The following ARHGAP26 variants were observed in gnomAD, a reference collection of about 807,000 sequenced individuals.
ARHGAP26 encodes the protein rho GTPase-activating protein 26.
In ARHGAP26, 38 loss-of-function variants were observed where a neutral mutation model predicts 104.8. The ratio of observed to expected loss-of-function variants is 0.36; its 90% CI spans 0.28 to 0.48. The LOEUF is 0.48. ARHGAP26 is among the 20% of genes least tolerant of loss of function. ARHGAP26 has a pLI of 0.99. For missense variants in ARHGAP26, 704 were observed against 947.9 expected, an observed-to-expected ratio of 0.74 and a Z score of 3.38; for synonymous variants, 341 against 340.0, an observed-to-expected ratio of 1.00 and a Z score of -0.03.
At chr5:142,832,479 T>C (rs534818522) in intron 1 of ARHGAP26, among the ~76,000 whole-genome samples, 1 of 152,376 alleles carries the variant, frequency 6.6e-6, no homozygotes, top group Admixed American at 6.5e-5. Context: ...CTGACCTTGC[T>C]GGCACCCTCA....
chr5:143,031,572 C>CTT (rs753414022), intron 12 of ARHGAP26, among the ~76,000 whole-genome samples: 3,784 of 135,346 alleles, frequency 0.028, 202 homozygotes, highest in African/African-American at 0.097. Flanking sequence ...CTACACACCT[C>CTT]TTTTTTTTTT....
chr5:143,128,495 C>T (rs569644026), intron 18 of ARHGAP26, among the ~76,000 whole-genome samples: 1 of 152,308 alleles, frequency 6.6e-6, no homozygotes, highest in Admixed American at 6.5e-5. Context: ...CTGATATCAA[C>T]AGGACATAGG....
At chr5:143,088,953 G>T (rs573242449) in intron 17 of ARHGAP26, among the ~76,000 whole-genome samples, 14 of 152,134 alleles carry the variant, frequency 9.2e-5, no homozygotes, top group Non-Finnish European at 1.3e-4. Context: ...GGTGGAGCAG[G>T]TAATTGGAAT....
In ARHGAP26 at chr5:143,080,953, A is replaced by C. The variant is rs115573619; in HGVS notation, c.1538+23206A>C. Among the ~76,000 whole-genome samples, 210 of 152,198 alleles carry C rather than the reference A, an allele frequency of 1.4e-3. 1 individual carries two copies. In the Middle Eastern group the frequency reaches 0.031, roughly 22 times the overall value. ...ATGCTGAACAGTGGGCACATTTGGGATATATTTTTAAAGATAAGGCCAACA... is the reference window on the plus strand; with the variant it reads ...ATGCTGAACAGTGGGCACATTTGGGCTATATTTTTAAAGATAAGGCCAACA... On this transcript the variant is annotated intron_variant, in intron 17 of 22. Coordinates refer to ENST00000645722, the MANE Select transcript of ARHGAP26 (RefSeq NM_001135608.3).
intron 14 of ARHGAP26, among the ~76,000 whole-genome samples, chr5:143,050,319 G>A (rs937457122): frequency 6.6e-5 from 10 of 151,102 alleles, no homozygotes; most frequent in Non-Finnish European, 1.3e-4. Context: ...TGTTTTTCTC[G>A]TCCTGTAACC....
chr5:143,084,615 G>T (rs745999741), intron 17 of ARHGAP26, among the ~76,000 whole-genome samples: 1 of 152,194 alleles, frequency 6.6e-6, no homozygotes, highest in Non-Finnish European at 1.5e-5. Context: ...GACATCTTGT[G>T]ATCTGGACAC....
rs114328030 is a variant in ARHGAP26, at chr5:143,211,713, T to A, written c.2100-2284T>A. Among the ~76,000 whole-genome samples the A allele has an allele frequency of 5.1e-3, 774 of 151,940 alleles. 5 individuals are homozygous for A. The highest frequency in any genetic ancestry group is 0.018 in the African/African-American group (738 of 41,424). On this transcript the variant is annotated intron_variant, in intron 21 of 22. Coordinates refer to ENST00000645722, the MANE Select transcript of ARHGAP26 (RefSeq NM_001135608.3). ...TCCCAAGTAACCTGGACTCCACACGTGTCCCATCATGCCTGGCTAATTTTT... is the reference window on the plus strand; with the variant it reads ...TCCCAAGTAACCTGGACTCCACACGAGTCCCATCATGCCTGGCTAATTTTT...
intron 1 of ARHGAP26, among the ~76,000 whole-genome samples, chr5:142,778,970 T>G (rs1388333206): frequency 6.6e-6 from 1 of 151,532 alleles, no homozygotes; most frequent in East Asian, 1.9e-4. Flanking sequence ...AGTGTGTGTG[T>G]ATGTGTGCCA....
chr5:142,801,390 A>G lies in ARHGAP26; in HGVS notation c.154+30475A>G, dbSNP rs78197492. Among the ~76,000 whole-genome samples the G allele has an allele frequency of 5.5e-3, 840 of 152,258 alleles. 1 individual carries two copies. Among genetic ancestry groups the G allele is most frequent in the Middle Eastern group, 0.014 (4 of 294 alleles). ...TTGTATGTACTGTCATTCAGTCATCAGAACTTTATAATGTATAGTGTCACT... is the reference window on the plus strand; with the variant it reads ...TTGTATGTACTGTCATTCAGTCATCGGAACTTTATAATGTATAGTGTCACT... On this transcript the variant is annotated intron_variant, in intron 1 of 22. Transcript: ENST00000645722.
At chr5:142,906,513 A>G (rs1036455727) in intron 8 of ARHGAP26, among the ~76,000 whole-genome samples, 9 of 151,864 alleles carry the variant, frequency 5.9e-5, no homozygotes, top group African/African-American at 1.5e-4. Flanking sequence ...CTCCCTTCCT[A>G]CTGTCTATCC....
chr5:142,948,610 G>A (rs1206694326), intron 11 of ARHGAP26, among the ~76,000 whole-genome samples: 1 of 150,840 alleles, frequency 6.6e-6, no homozygotes, highest in Non-Finnish European at 1.5e-5. Flanking sequence ...ATTTTAGTCA[G>A]CCTTCCATTT....
rs115575466 is a variant in ARHGAP26, at chr5:142,790,381, G to A, written c.154+19466G>A. Among the ~76,000 whole-genome samples, 1,070 of 152,146 alleles carry A rather than the reference G, an allele frequency of 7.0e-3. 17 individuals carry two copies. Among genetic ancestry groups the A allele is most frequent in the African/African-American group, 0.024 (997 of 41,510 alleles). ...CTGCTGGATAGTATTTTTTCCCATCGTATTTCTCCTGTTTTTGTAGGCAGA... is the reference window on the plus strand; with the variant it reads ...CTGCTGGATAGTATTTTTTCCCATCATATTTCTCCTGTTTTTGTAGGCAGA... On this transcript the variant is annotated intron_variant, in intron 1 of 22. Coordinates refer to ENST00000645722, the MANE Select transcript of ARHGAP26 (RefSeq NM_001135608.3).
intron 20 of ARHGAP26, among the ~76,000 whole-genome samples, chr5:143,179,900 G>A (rs1230830305): frequency 6.6e-6 from 1 of 152,080 alleles, no homozygotes; most frequent in Non-Finnish European, 1.5e-5. Flanking sequence ...TGACCTCCCT[G>A]TCAAACCTCA....
At chr5:143,118,845 C>T (rs951348812) in intron 17 of ARHGAP26, among the ~76,000 whole-genome samples, 10 of 150,898 alleles carry the variant, frequency 6.6e-5, no homozygotes, top group South Asian at 2.1e-4. Flanking sequence ...TGCTAAATGA[C>T]GAGTTAATGG....
intron 1 of ARHGAP26, among the ~76,000 whole-genome samples, chr5:142,799,327 G>C (rs1176663454): frequency 6.6e-6 from 1 of 152,130 alleles, no homozygotes; most frequent in African/African-American, 2.4e-5. Context: ...AGAAGGATAG[G>C]GTTCATGGCT....
Position 143,042,001 on chromosome 5 carries a change from G to A in ARHGAP26, c.1285+111G>A, listed in dbSNP as rs375293466. 1.3e-3 allele frequency: 1,124 copies of A among 877,112 alleles called. 19 individuals are homozygous for A. The South Asian group carries it at 0.015, about 12-fold the overall frequency. 54.3% of individuals were successfully genotyped at this position (877,112 alleles called of 1,614,324 possible). On this transcript the variant is annotated intron_variant, in intron 14 of 22. Transcript: ENST00000645722. ...CTGTGGCAAAGGAATCGGGGTGTCC[G>A]TGAGCTGTCACCTAGAAGTCATCTG...
At chr5:142,900,627 G>T (rs2152450467) in intron 6 of ARHGAP26, among the ~76,000 whole-genome samples, 1 of 152,028 alleles carries the variant, frequency 6.6e-6, no homozygotes, top group Admixed American at 6.6e-5. Context: ...GGCGGGATGA[G>T]ATTCCTTTAC....
At chr5:142,865,419 G>A (rs1435837843) in intron 1 of ARHGAP26, among the ~76,000 whole-genome samples, 1 of 150,866 alleles carries the variant, frequency 6.6e-6, no homozygotes, top group Non-Finnish European at 1.5e-5. Flanking sequence ...TACATTATTT[G>A]CATACAGTTA....
At chr5:142,858,486 C>T (rs1279732051) in intron 1 of ARHGAP26, among the ~76,000 whole-genome samples, 1 of 152,070 alleles carries the variant, frequency 6.6e-6, no homozygotes, top group Non-Finnish European at 1.5e-5. Context: ...GCTGTTTTGT[C>T]TACATTTCTG....
Sources: gnomAD v4.1 joint callset for allele counts (sites outside exome capture counted in the v4.1 genomes callset) on GRCh38, gnomAD v4.1.1 for gene constraint, MANE v1.5 for transcripts, NCBI Gene and HGNC (gene_info 2026-07-23, HGNC 2026-07-21) for gene names.